Variants in RALGPS1 observed in about 807,000 individuals in gnomAD.
RALGPS1 encodes the protein Ral GEF with PH domain and SH3 binding motif 1.
Under a neutral mutation model 78.8 loss-of-function variants are expected in RALGPS1, and 19 were observed. That is an observed-to-expected ratio of 0.24 (90% CI 0.17 to 0.35). The LOEUF is 0.35. Ranked by LOEUF, RALGPS1 falls within the 10% of genes least tolerant of loss-of-function variation. The pLI, the probability that RALGPS1 is intolerant of heterozygous loss-of-function variation, is 1.00. For synonymous variants in RALGPS1, 228 were observed against 256.3 expected, an observed-to-expected ratio of 0.89 and a Z score of 1.06; for missense variants, 454 against 688.3, an observed-to-expected ratio of 0.66 and a Z score of 3.81.
chr9:127,092,032 G>C, intron 8 of RALGPS1: 1 of 1,493,386 alleles, frequency 6.7e-7, no homozygotes, highest in South Asian at 1.3e-5. Flanking sequence ...GGATAGAGGG[G>C]CCTGGGAAAC....
chr9:126,965,755 T>C, intron 2 of RALGPS1, 89 bp from the exon 3 acceptor site: 1 of 945,496 alleles, frequency 1.1e-6, no homozygotes, highest in Non-Finnish European at 1.7e-6. Context: ...ATTCCATTGC[T>C]CTCCCATCCT....
chr9:126,956,873 T>C (rs1018096232), intron 1 of RALGPS1, among the ~76,000 whole-genome samples: 6 of 152,244 alleles, frequency 3.9e-5, no homozygotes, highest in African/African-American at 1.4e-4. Context: ...TGTCCAGCCC[T>C]GATGGAGCAT....
At chr9:127,010,960 T>C (rs1327871971) in intron 4 of RALGPS1, among the ~76,000 whole-genome samples, 5 of 152,212 alleles carry the variant, frequency 3.3e-5, no homozygotes, top group Non-Finnish European at 7.3e-5. Flanking sequence ...GAGTCCCATA[T>C]ATCAGTGGCC....
intron 17 of RALGPS1, 41 bp from the exon 18 acceptor site, chr9:127,214,710 A>C (rs1220919000): frequency 6.3e-7 from 1 of 1,578,852 alleles, no homozygotes; most frequent in Non-Finnish European, 8.6e-7. Flanking sequence ...TGACCCTCCT[A>C]CGTGGCCCTC....
chr9:127,083,692 G>A (rs770270696), intron 8 of RALGPS1, among the ~76,000 whole-genome samples: 3 of 152,164 alleles, frequency 2.0e-5, no homozygotes, highest in Non-Finnish European at 4.4e-5. Flanking sequence ...TTTCCCCAGT[G>A]TCCTTTTGAG....
At chr9:127,083,879 A>C (rs1418270406) in intron 8 of RALGPS1, among the ~76,000 whole-genome samples, 1 of 151,918 alleles carries the variant, frequency 6.6e-6, no homozygotes, top group Non-Finnish European at 1.5e-5. Context: ...GGAGGTCTGG[A>C]GTGGGGGAAG....
At chr9:126,946,570 A>C (rs997581522) in intron 1 of RALGPS1, among the ~76,000 whole-genome samples, 3 of 147,940 alleles carry the variant, frequency 2.0e-5, no homozygotes, top group Non-Finnish European at 4.5e-5. Context: ...TGAGGGCTTT[A>C]CAGAGTTAGG....
chr9:127,213,453 A>G (rs1281073017), intron 17 of RALGPS1, among the ~76,000 whole-genome samples: 2 of 152,216 alleles, frequency 1.3e-5, no homozygotes, highest in African/African-American at 4.8e-5. Context: ...TCCAGTTCCA[A>G]GGCCAACTCA....
chr9:127,136,302 C>T (rs2138448626), intron 8 of RALGPS1, among the ~76,000 whole-genome samples: 1 of 152,326 alleles, frequency 6.6e-6, no homozygotes, highest in African/African-American at 2.4e-5. Flanking sequence ...CCGGCACTGC[C>T]AGCCAGGGAG....
intron 4 of RALGPS1, among the ~76,000 whole-genome samples, chr9:126,979,882 C>T (rs183411863): frequency 7.0e-4 from 107 of 152,224 alleles, no homozygotes; most frequent in Non-Finnish European, 8.8e-5. Flanking sequence ...GAGTCCCCTC[C>T]CCAACACTCC....
chr9:127,220,825 T>C lies in RALGPS1; in HGVS notation c.*2056T>C, dbSNP rs1265977048. 1 of 152,578 alleles carries C rather than the reference T, an allele frequency of 6.6e-6. No homozygotes were observed. Among genetic ancestry groups the C allele is most frequent in the East Asian group, 1.9e-4 (1 of 5,202 alleles). The allele number at this position is 152,578 out of a possible 1,614,324, so 9.5% of individuals were successfully genotyped here. On this transcript the variant is annotated 3_prime_UTR_variant, in exon 19 of 19. Coordinates refer to ENST00000259351, the MANE Select transcript of RALGPS1 (RefSeq NM_014636.3). ...CTGGTTTTTCACACCAATGAAGTAT[T>C]ATAGATGCCAATCCAAAACCTCAGA...
intron 8 of RALGPS1, among the ~76,000 whole-genome samples, chr9:127,092,571 A>G (rs1033094865): frequency 1.3e-5 from 2 of 152,102 alleles, no homozygotes; most frequent in Non-Finnish European, 2.9e-5. Context: ...ATGTGCTGGC[A>G]CTGTTTTAAG....
intron 4 of RALGPS1, among the ~76,000 whole-genome samples, chr9:126,998,158 G>A (rs10819262): frequency 0.17 from 26,398 of 151,670 alleles, 3,022 homozygotes; most frequent in East Asian, 0.44. Context: ...ACAAAAGCCA[G>A]AATTGACAAA....
chr9:126,974,899 G>T (rs73668456), intron 3 of RALGPS1, among the ~76,000 whole-genome samples: 1 of 151,276 alleles, frequency 6.6e-6, no homozygotes, highest in South Asian at 2.1e-4. Flanking sequence ...AGATGGTCCC[G>T]AGAGCTGGCT....
intron 10 of RALGPS1, among the ~76,000 whole-genome samples, chr9:127,173,519 G>T (rs556039963): frequency 6.8e-4 from 103 of 152,246 alleles, no homozygotes; most frequent in African/African-American, 2.5e-3. Flanking sequence ...TCTTTTACTT[G>T]TAAGCTTTTA....
At chr9:127,087,279 G>C (rs182943162) in intron 8 of RALGPS1, 1 of 152,698 alleles carries the variant, frequency 6.5e-6, no homozygotes, top group East Asian at 1.9e-4. Context: ...TTTACTTAAA[G>C]AGGCTCTGAT....
intron 8 of RALGPS1, among the ~76,000 whole-genome samples, chr9:127,081,377 G>A (rs892120456): frequency 6.6e-6 from 1 of 152,120 alleles, no homozygotes; most frequent in Non-Finnish European, 1.5e-5. Flanking sequence ...CCATCTCCCT[G>A]TGTTCCTACC....
intron 4 of RALGPS1, among the ~76,000 whole-genome samples, chr9:127,018,768 C>G (rs1207070391): frequency 1.3e-5 from 2 of 151,640 alleles, no homozygotes; most frequent in Non-Finnish European, 2.9e-5. Flanking sequence ...TGTGCTGTAC[C>G]TTTATGTGAC....
At position 127,212,259 on chromosome 9, in the gene RALGPS1, C is replaced by T. The variant is rs778877840; in HGVS notation, c.1353+23C>T. Reference sequence around the variant, plus strand: ...GCGGTAAGTACAGACCCACATCCACCGGGGCAGCAGGGGCTTCCACATCTG... The same window carrying T: ...GCGGTAAGTACAGACCCACATCCACTGGGGCAGCAGGGGCTTCCACATCTG... On this transcript the variant is annotated intron_variant, in intron 15 of 18. Transcript: ENST00000259351. This position sits in a 1 kb window ranked among gnomAD's most constrained non-coding sequence, Gnocchi z 6.0. 41 of 1,568,560 alleles carry T rather than the reference C, an allele frequency of 2.6e-5. No homozygotes were observed. Among genetic ancestry groups the T allele is most frequent in the Admixed American group, 1.2e-4 (7 of 56,170 alleles).
Sources: gnomAD v4.1 joint callset for allele counts (sites outside exome capture counted in the v4.1 genomes callset) on GRCh38, gnomAD v4.1.1 for gene constraint, Gnocchi (gnomAD v3.1) non-coding constraint, MANE v1.5 for transcripts, NCBI Gene and HGNC (gene_info 2026-07-23, HGNC 2026-07-21) for gene names.